Variants in THEMIS observed in about 807,000 individuals in gnomAD.
THEMIS encodes protein THEMIS.
A neutral mutation model predicts 52.6 loss-of-function variants in THEMIS; 37 were observed. The ratio of observed to expected loss-of-function variants is 0.70; its 90% CI spans 0.54 to 0.93. THEMIS has a LOEUF of 0.93. Ranked by LOEUF, THEMIS falls within the 40% of genes least tolerant of loss-of-function variation. The pLI, the probability that THEMIS is intolerant of heterozygous loss-of-function variation, is 0.00. For synonymous variants in THEMIS, 292 were observed against 272.7 expected (o/e 1.07, Z -0.70); for missense variants, 808 against 763.1 (o/e 1.06, Z -0.69).
At chr6:127,903,451 A>T (rs902987101), upstream of THEMIS, among the ~76,000 whole-genome samples, 1 of 152,114 alleles carries the variant, frequency 6.6e-6, no homozygotes, top group African/African-American at 2.4e-5. Context: ...TATTTGAAAA[A>T]GGTGAAATTC....
chr6:127,915,565 G>A (rs939174299), intron 1 of THEMIS, among the ~76,000 whole-genome samples: 1 of 139,034 alleles, frequency 7.2e-6, no homozygotes, highest in Non-Finnish European at 1.5e-5. Flanking sequence ...CTAGGGGTGG[G>A]GAGAGAGAGG....
chr6:127,744,555 A>G (rs1007242064), intron 4 of THEMIS, among the ~76,000 whole-genome samples: 14 of 152,170 alleles, frequency 9.2e-5, no homozygotes, highest in Non-Finnish European at 1.5e-4. Context: ...AAGGCATCAC[A>G]CTTAATGAAA....
chr6:127,771,690 T>G (rs935627015), intron 4 of THEMIS, among the ~76,000 whole-genome samples: 3 of 152,178 alleles, frequency 2.0e-5, no homozygotes, highest in Non-Finnish European at 2.9e-5. Flanking sequence ...AAGTTAGAAC[T>G]GTGAAAATCA....
intron 5 of THEMIS, among the ~76,000 whole-genome samples, chr6:127,712,418 T>C (rs2114457578): frequency 6.6e-6 from 1 of 151,974 alleles, no homozygotes; most frequent in Non-Finnish European, 1.5e-5. Flanking sequence ...GTTTCTTGCA[T>C]ACTACCTTTC....
intron 4 of THEMIS, 55 bp from the exon 5 acceptor site, chr6:127,719,878 A>G: frequency 6.3e-7 from 1 of 1,582,132 alleles, no homozygotes; most frequent in Non-Finnish European, 8.6e-7. Flanking sequence ...TGCTTCATAG[A>G]GATATGAAAG....
At chr6:127,900,003 A>G (rs1404538675) in intron 1 of THEMIS, among the ~76,000 whole-genome samples, 2 of 150,848 alleles carry the variant, frequency 1.3e-5, no homozygotes, top group East Asian at 1.9e-4. Flanking sequence ...TATTTTGTCT[A>G]CGAACAAGAA....
intron 1 of THEMIS, among the ~76,000 whole-genome samples, chr6:127,869,680 T>C (rs1471252067): frequency 2.0e-5 from 3 of 152,272 alleles, no homozygotes; most frequent in South Asian, 4.1e-4. Context: ...TACCATCATA[T>C]GTTCCAGATT....
intron 3 of THEMIS, among the ~76,000 whole-genome samples, chr6:127,820,118 A>C (rs905871392): frequency 2.6e-5 from 4 of 152,172 alleles, no homozygotes; most frequent in Admixed American, 2.6e-4. Context: ...TATATATTAC[A>C]AACTCTAGGG....
chr6:127,808,809 A>T (rs992616602), intron 4 of THEMIS, among the ~76,000 whole-genome samples: 1 of 152,154 alleles, frequency 6.6e-6, no homozygotes, highest in Non-Finnish European at 1.5e-5. Context: ...ACAGTTGCCA[A>T]TCTTACCTTG....
chr6:127,915,003 C>G (rs981300758), intron 1 of THEMIS, among the ~76,000 whole-genome samples: 1 of 152,094 alleles, frequency 6.6e-6, no homozygotes, highest in African/African-American at 2.4e-5. Context: ...TGATATTGAA[C>G]CATTTTTAGA....
At chr6:127,744,076 C>T (rs1262537085) in intron 4 of THEMIS, among the ~76,000 whole-genome samples, 1 of 152,072 alleles carries the variant, frequency 6.6e-6, no homozygotes, top group African/African-American at 2.4e-5. Context: ...CTAGAACAGA[C>T]TGTTTATTGA....
intron 1 of THEMIS, among the ~76,000 whole-genome samples, chr6:127,917,401 T>C (rs1781549407): frequency 6.6e-6 from 1 of 152,192 alleles, no homozygotes; most frequent in Non-Finnish European, 1.5e-5. Flanking sequence ...ATTGGATGAA[T>C]AAGATATACA....
At chr6:127,771,402 G>GA (rs1188465270) in intron 4 of THEMIS, among the ~76,000 whole-genome samples, 2 of 151,972 alleles carry the variant, frequency 1.3e-5, no homozygotes, top group East Asian at 1.9e-4. Flanking sequence ...TCACAGAACT[G>GA]AAAAAAACTA....
intron 4 of THEMIS, among the ~76,000 whole-genome samples, chr6:127,766,199 T>C (rs1489431859): frequency 2.0e-5 from 3 of 152,144 alleles, no homozygotes; most frequent in Non-Finnish European, 4.4e-5. Flanking sequence ...TCCATTATAT[T>C]GCAGTCTTAC....
At chr6:127,727,766 A>C (rs1379710308) in intron 4 of THEMIS, among the ~76,000 whole-genome samples, 1 of 152,138 alleles carries the variant, frequency 6.6e-6, no homozygotes, top group Non-Finnish European at 1.5e-5. Flanking sequence ...TGTTGCTAAA[A>C]TATAAAATGC....
intron 1 of THEMIS, among the ~76,000 whole-genome samples, chr6:127,900,115 T>C (rs916139303): frequency 1.3e-5 from 2 of 151,728 alleles, no homozygotes; most frequent in African/African-American, 4.8e-5. Context: ...GAAATACACC[T>C]ACAGAATTAT....
chr6:127,838,269 A>G (rs1778935597), intron 2 of THEMIS, among the ~76,000 whole-genome samples: 1 of 152,090 alleles, frequency 6.6e-6, no homozygotes, highest in Non-Finnish European at 1.5e-5. Context: ...CCCTTTGACA[A>G]TATTTTTCCC....
chr6:127,901,048 T>A lies in THEMIS; in HGVS notation c.-116A>T. The A allele has an allele frequency of 1.2e-6, 1 of 813,430 alleles. No individual in the cohort carries two copies. Among genetic ancestry groups the A allele is most frequent in the Non-Finnish European group, 2.1e-6 (1 of 472,830 alleles). 50.4% of individuals were successfully genotyped at this position (813,430 alleles called of 1,614,324 possible). On this transcript the variant is annotated 5_prime_UTR_variant, in exon 1 of 6. Coordinates refer to ENST00000368248, the MANE Select transcript of THEMIS (RefSeq NM_001010923.3). ...CATTTCTTCCTCAGGCAGGCAGGAA[T>A]GTCACACTACAGCCAGAGTGGGGTG...
chr6:127,780,024 T>A (rs1776691545), intron 4 of THEMIS, among the ~76,000 whole-genome samples: 1 of 152,208 alleles, frequency 6.6e-6, no homozygotes, highest in South Asian at 2.1e-4. Context: ...TATTATTGTG[T>A]GGGAGTCTAA....
Sources: allele counts gnomAD v4.1 joint callset (sites outside exome capture counted in the v4.1 genomes callset), GRCh38; gene constraint gnomAD v4.1.1; transcripts MANE v1.5; gene names NCBI Gene and HGNC (gene_info 2026-07-23, HGNC 2026-07-21).